Variants in EML6 observed in about 807,000 individuals in gnomAD.
EML6 encodes EMAP like 6.
EML6 carries 154 observed loss-of-function variants against 240.1 expected under a neutral mutation model. The observed-to-expected ratio is 0.64, with a 90% CI of 0.56 to 0.73. The LOEUF (loss-of-function observed/expected upper bound fraction) is 0.73, where lower values mean the gene tolerates loss of function less well. Among genes scored for constraint, EML6 ranks in the 30% least tolerant of loss-of-function variants. EML6 has a pLI of 0.00. For synonymous variants in EML6, 1,148 were observed against 899.0 expected (o/e 1.28, Z -4.95); for missense variants, 2,964 against 2,474.6 (o/e 1.20, Z -4.20).
chr2:54,883,708 T>C (rs1671965105), intron 17 of EML6, among the ~76,000 whole-genome samples: 1 of 152,198 alleles, frequency 6.6e-6, no homozygotes, highest in Non-Finnish European at 1.5e-5. Context: ...TTTGTTTTGC[T>C]TACACATACA....
At chr2:54,788,278 TGTAA>T (rs1353785425) in intron 2 of EML6, among the ~76,000 whole-genome samples, 1 of 152,240 alleles carries the variant, frequency 6.6e-6, no homozygotes, top group African/African-American at 2.4e-5. Flanking sequence ...CTCTGGCATC[TGTAA>T]GTAACACCGG....
Position 54,729,256 on chromosome 2 carries a change from T to C in EML6, c.197+3998T>C, listed in dbSNP as rs75062111. ...GCCCTATCTGCTGCAGTCTCACCTC[T>C]CCCATGAGACCTTGTACCATCCTCA... On this transcript the variant is annotated intron_variant, in intron 2 of 41. Transcript: ENST00000356458. 3.0e-3 allele frequency among the ~76,000 whole-genome samples: 458 copies of C among 152,346 alleles called. 1 individual carries two copies. Among genetic ancestry groups the C allele is most frequent in the Middle Eastern group, 0.014 (4 of 294 alleles).
chr2:54,887,488 G>T (rs1672211624), intron 17 of EML6, among the ~76,000 whole-genome samples: 1 of 152,068 alleles, frequency 6.6e-6, no homozygotes, highest in South Asian at 2.1e-4. Context: ...ATTTGCTGTG[G>T]TGTTTTTCAT....
intron 2 of EML6, among the ~76,000 whole-genome samples, chr2:54,784,157 G>T (rs1256541634): frequency 6.6e-6 from 1 of 152,012 alleles, no homozygotes; most frequent in Non-Finnish European, 1.5e-5. Flanking sequence ...TGTTGCCCAG[G>T]CTGGTCTCAA....
At chr2:54,943,135 C>A (rs528425511) in intron 28 of EML6, among the ~76,000 whole-genome samples, 12 of 152,312 alleles carry the variant, frequency 7.9e-5, no homozygotes, top group Non-Finnish European at 1.2e-4. Flanking sequence ...CAACCTCCTG[C>A]CCCTCCTTCA....
At position 54,950,745 on chromosome 2, in the gene EML6, A is replaced by C. The variant is rs1348935324; in HGVS notation, c.4179A>C (p.Thr1393=). 1 of 1,551,678 alleles carries C rather than the reference A, an allele frequency of 6.4e-7. No homozygotes were observed. The highest frequency in any genetic ancestry group is 8.7e-7 in the Non-Finnish European group (1 of 1,146,988). The change falls in exon 30 of 42, where the codon ACA becomes ACC. Residue 1393 remains threonine, a synonymous_variant. Coordinates refer to ENST00000356458, the MANE Select transcript of EML6 (RefSeq NM_001039753.4). The stretch of plus-strand genomic sequence containing the variant: ...ATGGCGCTGACATCATCTTCCACAC[A>C]GCAGCGGCTGGCATCGTTCAGAACC... The part of the protein sequence containing the change: ...LNDGADIIFH[T]AAAGIVQNLS...
At chr2:54,926,442 C>G (rs1415855764) in intron 26 of EML6, among the ~76,000 whole-genome samples, 2 of 152,210 alleles carry the variant, frequency 1.3e-5, no homozygotes, top group Non-Finnish European at 2.9e-5. Context: ...ATTATTTCAT[C>G]ACTTGATGGA....
At chr2:54,762,850 G>GTA (rs1413383000) in intron 2 of EML6, among the ~76,000 whole-genome samples, 1 of 152,142 alleles carries the variant, frequency 6.6e-6, no homozygotes, top group African/African-American at 2.4e-5. Flanking sequence ...TGGTATTTAA[G>GTA]AACTGTGATC....
intron 28 of EML6, among the ~76,000 whole-genome samples, chr2:54,938,318 G>C (rs952081367): frequency 3.3e-5 from 5 of 152,156 alleles, no homozygotes; most frequent in African/African-American, 4.8e-5. Context: ...AAAAAAGTTA[G>C]ATGAAGTTTC....
intron 40 of EML6, 42 bp downstream of exon 40, chr2:54,968,323 T>A: frequency 6.5e-7 from 1 of 1,546,606 alleles, no homozygotes; most frequent in Non-Finnish European, 8.8e-7. Flanking sequence ...GTTCTCTGTT[T>A]GGCCGTCTGC....
At chr2:54,959,402 T>G (rs946839185) in intron 34 of EML6, 141 bp downstream of exon 34, 1 of 775,080 alleles carries the variant, frequency 1.3e-6, no homozygotes, top group African/African-American at 1.8e-5. Context: ...CTGCTCTCTC[T>G]CCAAGAGGGC....
At chr2:54,958,992 C>A (rs1470072572) in intron 33 of EML6, 112 bp from the exon 34 acceptor site, 7 of 1,007,950 alleles carry the variant, frequency 6.9e-6, no homozygotes, top group African/African-American at 1.6e-5. Context: ...AGAGATCAAA[C>A]TGCCTAGGCT....
Position 54,827,014 on chromosome 2 carries a change from A to G in EML6, c.526-552A>G, listed in dbSNP as rs1668630450. Reference sequence around the variant, plus strand: ...ATGGAGAAACCCTGTCTCTACTACAAATACAAAAATTAGCTGAGCTTGGTG... The same window carrying G: ...ATGGAGAAACCCTGTCTCTACTACAGATACAAAAATTAGCTGAGCTTGGTG... On this transcript the variant is annotated intron_variant, in intron 5 of 41. Coordinates refer to ENST00000356458, the MANE Select transcript of EML6 (RefSeq NM_001039753.4). Among the ~76,000 whole-genome samples the G allele has an allele frequency of 2.6e-5, 4 of 152,100 alleles. 1 individual carries two copies. Among genetic ancestry groups the G allele is most frequent in the Non-Finnish European group, 5.9e-5 (4 of 68,010 alleles).
At chr2:54,785,623 G>T (rs745887798) in intron 2 of EML6, among the ~76,000 whole-genome samples, 1 of 152,030 alleles carries the variant, frequency 6.6e-6, no homozygotes, top group Non-Finnish European at 1.5e-5. Flanking sequence ...CATTTATCTC[G>T]ACTGTGAATG....
chr2:54,731,695 T>C (rs1683175092), intron 2 of EML6, among the ~76,000 whole-genome samples: 1 of 152,148 alleles, frequency 6.6e-6, no homozygotes, highest in African/African-American at 2.4e-5. Context: ...TTGAAAACAT[T>C]GCGCTGAACT....
At position 54,802,657 on chromosome 2, in the gene EML6, C is replaced by CTACTACTAG. The variant is rs1553381886; in HGVS notation, c.198-10567_198-10566insGTACTACTA. ...ACTACTACTACTACTACTACTACTA[C>CTACTACTAG]TACTACTACTGCTACTACTACTACT... On this transcript the variant is annotated intron_variant, in intron 2 of 41. Coordinates refer to ENST00000356458, the MANE Select transcript of EML6 (RefSeq NM_001039753.4). Among the ~76,000 whole-genome samples, 797 of 148,756 alleles carry CTACTACTAG rather than the reference C, an allele frequency of 5.4e-3. 10 individuals are homozygous for CTACTACTAG. Among genetic ancestry groups the CTACTACTAG allele is most frequent in the African/African-American group, 0.019 (748 of 39,612 alleles).
At position 54,959,184 on chromosome 2, in the gene EML6, G is replaced by C; in HGVS notation, c.4776G>C (p.Lys1592Asn). Residue 1592 changes from lysine (K) to asparagine (N), a missense_variant, in exon 34 of 42, where the codon AAG becomes AAC. Transcript: ENST00000356458. ...ACTTCCTCATCCGGCTGGTGGCCAA[G>C]GCTCACACAGGCCCCGTGTTCACAA... is the stretch of plus-strand genomic sequence containing the variant. ...KDHFLIRLVA[K>N]AHTGPVFTMY... 1.3e-6 allele frequency: 2 copies of C among 1,551,656 alleles called. No individual in the cohort carries two copies. The highest frequency in any genetic ancestry group is 1.7e-6 in the Non-Finnish European group (2 of 1,146,980).
chr2:54,871,310 G>A (rs1387562342), intron 15 of EML6, among the ~76,000 whole-genome samples, 190 bp from the exon 16 acceptor site: 1 of 152,218 alleles, frequency 6.6e-6, no homozygotes, highest in Non-Finnish European at 1.5e-5. Context: ...GCCAGGACAA[G>A]CCTCTTAGAG....
chr2:54,881,135 C>A (rs1427598982), intron 17 of EML6: 2 of 152,098 alleles, frequency 1.3e-5, no homozygotes. Context: ...CCCAGGAGAA[C>A]ATTTTGGATT....
Sources: allele counts gnomAD v4.1 joint callset (sites outside exome capture counted in the v4.1 genomes callset), GRCh38; gene constraint gnomAD v4.1.1; transcripts MANE v1.5; gene names NCBI Gene and HGNC (gene_info 2026-07-23, HGNC 2026-07-21).